Variants in GPHN observed in about 807,000 individuals in gnomAD.
The protein encoded by GPHN is gephyrin.
In GPHN, 17 loss-of-function variants were observed where a neutral mutation model predicts 95.5. The ratio of observed to expected loss-of-function variants is 0.18; its 90% confidence interval spans 0.12 to 0.27. The LOEUF is 0.27. GPHN is among the 10% of genes least tolerant of loss of function. GPHN has a pLI of 1.00. For missense variants in GPHN, 660 were observed against 978.1 expected, an observed-to-expected ratio of 0.67 and a Z score of 4.34; for synonymous variants, 320 against 322.5, an observed-to-expected ratio of 0.99 and a Z score of 0.08.
the GPHN span, among the ~76,000 whole-genome samples, chr14:67,493,785 T>A: frequency 1.3e-5 from 2 of 152,166 alleles, no homozygotes; most frequent in African/African-American, 2.4e-5. Context: ...AAAAGAGGCA[T>A]CCTTTTCTTT....
At chr14:67,548,450 C>T in the GPHN span, among the ~76,000 whole-genome samples, 1 of 152,294 alleles carries the variant, frequency 6.6e-6, no homozygotes, top group South Asian at 2.1e-4. Flanking sequence ...GTAATCCCAG[C>T]ACTTTGGGAG....
chr14:66,962,739 C>A (rs769310718), intron 8 of GPHN, among the ~76,000 whole-genome samples: 3 of 151,644 alleles, frequency 2.0e-5, no homozygotes, highest in Non-Finnish European at 4.4e-5. Context: ...CCTATTCTCT[C>A]CCATATTTGC....
chr14:67,702,102 C>A, the GPHN span, among the ~76,000 whole-genome samples: 2 of 152,002 alleles, frequency 1.3e-5, no homozygotes, highest in African/African-American at 4.8e-5. Flanking sequence ...CAGTCATGAA[C>A]CACTGTGCCC....
intron 11 of GPHN, among the ~76,000 whole-genome samples, chr14:67,077,792 T>A (rs1305221294): frequency 6.6e-6 from 1 of 152,174 alleles, no homozygotes; most frequent in Non-Finnish European, 1.5e-5. Context: ...ACTACCCTTT[T>A]TGATCCAACC....
the GPHN span, among the ~76,000 whole-genome samples, chr14:67,277,122 G>T: frequency 6.6e-6 from 1 of 152,094 alleles, no homozygotes; most frequent in East Asian, 1.9e-4. Flanking sequence ...CATTTAAAAA[G>T]CTGAATTTGC....
At chr14:67,582,115 C>G in the GPHN span, 1 of 1,613,442 alleles carries the variant, frequency 6.2e-7, no homozygotes, top group Non-Finnish European at 8.5e-7. This position sits in a 1 kb window ranked among gnomAD's most constrained non-coding sequence, Gnocchi z 5.0. Flanking sequence ...CCGAGAACGG[C>G]TGCTCCTTGC....
the GPHN span, among the ~76,000 whole-genome samples, chr14:67,260,772 TATTAA>T: frequency 6.6e-6 from 1 of 152,208 alleles, no homozygotes; most frequent in Non-Finnish European, 1.5e-5. Flanking sequence ...AAGAGTTGAC[TATTAA>T]ATTAATAAAC....
At chr14:66,656,669 A>G (rs1410518445) in intron 1 of GPHN, among the ~76,000 whole-genome samples, 2 of 152,140 alleles carry the variant, frequency 1.3e-5, no homozygotes, top group Non-Finnish European at 2.9e-5. Context: ...GACTGTATCT[A>G]TGATGGTGAT....
downstream of GPHN, among the ~76,000 whole-genome samples, chr14:67,183,026 T>G (rs1261264151): frequency 2.6e-5 from 4 of 151,900 alleles, no homozygotes. Context: ...TATTGGGTCT[T>G]GAAGGAAGGT....
At chr14:67,324,317 T>C in the GPHN span, among the ~76,000 whole-genome samples, 1 of 152,222 alleles carries the variant, frequency 6.6e-6, no homozygotes, top group African/African-American at 2.4e-5. Context: ...ACATTAATAA[T>C]TGACTGATAA....
chr14:66,760,811 A>G, intron 2 of GPHN: 1 of 523,046 alleles, frequency 1.9e-6, no homozygotes, highest in East Asian at 5.0e-5. Flanking sequence ...GATGCAATGA[A>G]GAGAGTTGAA....
chr14:67,729,338 C>G, the GPHN span: 49 of 1,598,444 alleles, frequency 3.1e-5, no homozygotes, highest in East Asian at 1.0e-3. Flanking sequence ...CTGCACTGCG[C>G]CCTGGCTGAG....
intron 18 of GPHN, among the ~76,000 whole-genome samples, chr14:67,149,421 T>G (rs2081112153): frequency 2.0e-5 from 3 of 152,230 alleles, no homozygotes; most frequent in East Asian, 1.9e-4. Context: ...ACCAAATGTT[T>G]TTTTAATTTC....
At chr14:67,308,546 CTTTTTT>C in the GPHN span, among the ~76,000 whole-genome samples, 2 of 131,836 alleles carry the variant, frequency 1.5e-5, no homozygotes, top group African/African-American at 5.7e-5. Context: ...TTTTCTTTTT[CTTTTTT>C]TTTTTTTTTT....
chr14:66,624,633 C>G (rs2063449691), intron 1 of GPHN, among the ~76,000 whole-genome samples: 1 of 152,180 alleles, frequency 6.6e-6, no homozygotes, highest in African/African-American at 2.4e-5. Flanking sequence ...GGTTGAGAGA[C>G]TTCAGTCTGT....
At chr14:66,702,705 CA>C (rs2068673151) in intron 2 of GPHN, among the ~76,000 whole-genome samples, 1 of 152,086 alleles carries the variant, frequency 6.6e-6, no homozygotes, top group Non-Finnish European at 1.5e-5. Context: ...GAGAAAGAAT[CA>C]ATGAAAAAAT....
the GPHN span, among the ~76,000 whole-genome samples, chr14:67,641,038 TAACTG>T: frequency 6.6e-6 from 1 of 152,176 alleles, no homozygotes; most frequent in African/African-American, 2.4e-5. Flanking sequence ...AGTAAGAAAA[TAACTG>T]CCTATCAGTA....
chr14:67,177,835 G>T (rs1211955151), intron 21 of GPHN, among the ~76,000 whole-genome samples: 1 of 152,060 alleles, frequency 6.6e-6, no homozygotes, highest in Non-Finnish European at 1.5e-5. Context: ...TTAAGTAATG[G>T]CCTTCTTTGT....
chr14:67,478,650 T>A, the GPHN span, among the ~76,000 whole-genome samples: 1 of 152,210 alleles, frequency 6.6e-6, no homozygotes, highest in Non-Finnish European at 1.5e-5. Flanking sequence ...TCACAACTCG[T>A]CCCTGCCTCC....
Sources: gnomAD v4.1 joint callset for allele counts (sites outside exome capture counted in the v4.1 genomes callset) on GRCh38, gnomAD v4.1.1 for gene constraint, Gnocchi (gnomAD v3.1) non-coding constraint, MANE v1.5 for transcripts, NCBI Gene and HGNC (gene_info 2026-07-23, HGNC 2026-07-21) for gene names.